SLC16A12: variants seen among roughly 807,000 people sequenced by gnomAD.
SLC16A12 encodes the protein monocarboxylate transporter 12.
In SLC16A12, 17 loss-of-function variants were observed where a neutral mutation model predicts 42.4. The observed-to-expected ratio is 0.40, with a 90% CI of 0.27 to 0.60. SLC16A12 has a LOEUF of 0.60. Among genes scored for constraint, SLC16A12 ranks in the 20% least tolerant of loss-of-function variants. The probability of loss-of-function intolerance (pLI) is 0.42; values close to 1 mark genes in which losing one functional copy is unlikely to be tolerated. For synonymous variants in SLC16A12, 224 were observed against 229.4 expected, an observed-to-expected ratio of 0.98 and a Z score of 0.21; for missense variants, 544 against 623.0, an observed-to-expected ratio of 0.87 and a Z score of 1.35.
chr10:89,446,852 T>G (rs1358028213), intron 3 of SLC16A12, among the ~76,000 whole-genome samples: 1 of 152,028 alleles, frequency 6.6e-6, no homozygotes, highest in Non-Finnish European at 1.5e-5. Flanking sequence ...TATGCTGTAT[T>G]CAGGAAACCC....
At chr10:89,526,655 T>A (rs983199502) in intron 2 of SLC16A12, among the ~76,000 whole-genome samples, 31 of 152,178 alleles carry the variant, frequency 2.0e-4, no homozygotes, top group Admixed American at 1.7e-3. Context: ...AAATAAAATC[T>A]TACTTGGAAA....
intron 2 of SLC16A12, among the ~76,000 whole-genome samples, chr10:89,467,873 AT>A (rs1364712064): frequency 2.6e-5 from 4 of 152,190 alleles, no homozygotes; most frequent in Non-Finnish European, 4.4e-5. Context: ...GATATGGCAC[AT>A]TGAAAATGAG....
chr10:89,504,296 G>A (rs1474194421), intron 2 of SLC16A12, among the ~76,000 whole-genome samples: 1 of 152,138 alleles, frequency 6.6e-6, no homozygotes, highest in Non-Finnish European at 1.5e-5. Flanking sequence ...CTCATGTAAA[G>A]AGTCCATTAA....
Position 89,541,175 on chromosome 10 carries a change from C to T in SLC16A12, c.-47+14707G>A, listed in dbSNP as rs550648479. On this transcript the variant is annotated intron_variant, in intron 2 of 2. Transcript: ENST00000475682. Reference sequence around the variant, plus strand: ...TCTCCTGACCTCGTGATCCGCCCGCCTCGGCCTCCCAAAGTGCTGGGATTA... The same window carrying T: ...TCTCCTGACCTCGTGATCCGCCCGCTTCGGCCTCCCAAAGTGCTGGGATTA... Among the ~76,000 whole-genome samples, 4 of 152,126 alleles carry T rather than the reference C, an allele frequency of 2.6e-5. No individual in the cohort carries two copies. In the East Asian group the frequency reaches 7.8e-4, roughly 30 times the overall value.
chr10:89,555,567 G>A (rs1019685726), intron 2 of SLC16A12, among the ~76,000 whole-genome samples: 6 of 91,762 alleles, frequency 6.5e-5, no homozygotes, highest in South Asian at 3.2e-4. Flanking sequence ...ATACATATAC[G>A]TATATGTATA....
chr10:89,525,460 A>C (rs1393415399), intron 2 of SLC16A12, among the ~76,000 whole-genome samples: 1 of 152,110 alleles, frequency 6.6e-6, no homozygotes, highest in Non-Finnish European at 1.5e-5. Context: ...CTTTTTTTGG[A>C]TATGGAAGAT....
chr10:89,471,584 T>G lies in SLC16A12; in HGVS notation c.-46-8960A>C, dbSNP rs1240510855. On this transcript the variant is annotated intron_variant, in intron 2 of 7. Transcript: ENST00000371790. ...CCAGTTTTACATTATGAATAAAACTTCTATGAACATGAGTGTACAAGTCTT... is the reference window on the plus strand; with the variant it reads ...CCAGTTTTACATTATGAATAAAACTGCTATGAACATGAGTGTACAAGTCTT... Among the ~76,000 whole-genome samples the G allele has an allele frequency of 3.9e-5, 6 of 152,368 alleles. No individual in the cohort carries two copies. The East Asian group carries it at 1.2e-3, about 29-fold the overall frequency.
At chr10:89,483,851 G>T (rs532466436) in intron 2 of SLC16A12, among the ~76,000 whole-genome samples, 19 of 150,774 alleles carry the variant, frequency 1.3e-4, no homozygotes, top group African/African-American at 4.1e-4. Context: ...TTTTACACAT[G>T]TTCACTCATT....
chr10:89,456,717 A>T (rs1028235917), intron 3 of SLC16A12, among the ~76,000 whole-genome samples: 1 of 151,804 alleles, frequency 6.6e-6, no homozygotes, highest in African/African-American at 2.4e-5. Context: ...CCCCACCCCG[A>T]CAGGCCCCAG....
intron 3 of SLC16A12, among the ~76,000 whole-genome samples, chr10:89,462,020 G>T (rs1589679095): frequency 6.6e-6 from 1 of 152,188 alleles, no homozygotes; most frequent in African/African-American, 2.4e-5. Context: ...AATAGTCACA[G>T]CATTGGCCTA....
intron 2 of SLC16A12, among the ~76,000 whole-genome samples, chr10:89,526,129 A>G (rs2133862389): frequency 6.6e-6 from 1 of 151,254 alleles, no homozygotes; most frequent in East Asian, 1.9e-4. Context: ...CCATCATGCT[A>G]CCCCCCGCCC....
intron 2 of SLC16A12, among the ~76,000 whole-genome samples, chr10:89,498,401 C>G (rs75800643): frequency 0.02 from 3,058 of 152,200 alleles, 113 homozygotes; most frequent in African/African-American, 0.069. Flanking sequence ...CAATGATTCC[C>G]TGTTTATGTA....
At chr10:89,499,278 G>C (rs543515874) in intron 2 of SLC16A12, among the ~76,000 whole-genome samples, 34 of 152,288 alleles carry the variant, frequency 2.2e-4, no homozygotes, top group African/African-American at 7.9e-4. Flanking sequence ...AATCAAGCTG[G>C]GCACGGTGGC....
intron 2 of SLC16A12, among the ~76,000 whole-genome samples, chr10:89,464,152 A>G (rs904595700): frequency 6.6e-6 from 1 of 152,196 alleles, no homozygotes; most frequent in Non-Finnish European, 1.5e-5. Context: ...GGCAGCCTCC[A>G]ACAGACAGCA....
intron 2 of SLC16A12, among the ~76,000 whole-genome samples, chr10:89,475,932 T>C (rs909443168): frequency 6.6e-6 from 1 of 152,222 alleles, no homozygotes; most frequent in Admixed American, 6.5e-5. Context: ...CCACCGATTC[T>C]AGGCAACATC....
At chr10:89,531,220 T>C (rs1843547486) in intron 2 of SLC16A12, among the ~76,000 whole-genome samples, 1 of 149,166 alleles carries the variant, frequency 6.7e-6, no homozygotes, top group African/African-American at 2.5e-5. Context: ...TGATATCCTG[T>C]CTCTACTAAA....
At chr10:89,526,166 A>C (rs1277866235) in intron 2 of SLC16A12, among the ~76,000 whole-genome samples, 2 of 151,868 alleles carry the variant, frequency 1.3e-5, no homozygotes, top group Non-Finnish European at 2.9e-5. Context: ...CCATGCATCA[A>C]CTCTTTTGGC....
Position 89,436,320 on chromosome 10 carries a change from C to T in SLC16A12, c.1029-1G>A, listed in dbSNP as rs779632463. On this transcript the variant is annotated splice_acceptor_variant, in intron 6 of 7. Coordinates refer to ENST00000371790, the MANE Select transcript of SLC16A12 (RefSeq NM_213606.4). LOFTEE classifies it high-confidence loss of function. ...AACATACTGGTAATTCTTCAGACAC[C>T]TGTAGATTTGAAGAACAAGAATAAG... The T allele has an allele frequency of 6.2e-7, 1 of 1,614,008 alleles. No homozygotes were observed. Among genetic ancestry groups the T allele is most frequent in the East Asian group, 2.2e-5 (1 of 44,880 alleles).
At chr10:89,556,261 T>C (rs934288646) in intron 1 of SLC16A12, among the ~76,000 whole-genome samples, 3 of 152,254 alleles carry the variant, frequency 2.0e-5, no homozygotes, top group East Asian at 1.9e-4. Flanking sequence ...ACACAGCTAG[T>C]AGGTGAGGGA....
Sources: allele counts gnomAD v4.1 joint callset (sites outside exome capture counted in the v4.1 genomes callset), GRCh38; gene constraint gnomAD v4.1.1; transcripts MANE v1.5; gene names NCBI Gene and HGNC (gene_info 2026-07-23, HGNC 2026-07-21).